Variants in PDE1C observed in about 807,000 individuals in gnomAD.
PDE1C encodes phosphodiesterase 1C.
PDE1C carries 62 observed loss-of-function variants against 93.1 expected under a neutral mutation model. The ratio of observed to expected loss-of-function variants is 0.67; its 90% CI spans 0.54 to 0.82. The LOEUF (loss-of-function observed/expected upper bound fraction) is 0.82, where lower values mean the gene tolerates loss of function less well. Among genes scored for constraint, PDE1C ranks in the 40% least tolerant of loss-of-function variants. The pLI, the probability that PDE1C is intolerant of heterozygous loss-of-function variation, is 0.00. For missense variants in PDE1C, 742 were observed against 884.6 expected (o/e 0.84, Z 2.04); for synonymous variants, 325 against 310.1 (o/e 1.05, Z -0.50).
At chr7:32,141,509 G>A (rs1800524271) in intron 3 of PDE1C, among the ~76,000 whole-genome samples, 1 of 152,174 alleles carries the variant, frequency 6.6e-6, no homozygotes, top group African/African-American at 2.4e-5. Flanking sequence ...TCACTTCTGT[G>A]ATCTTCCTCC....
At chr7:32,171,643 A>G (rs1802661666) in intron 2 of PDE1C, among the ~76,000 whole-genome samples, 1 of 151,384 alleles carries the variant, frequency 6.6e-6, no homozygotes, top group South Asian at 2.1e-4. Context: ...TACAATAACT[A>G]TTTATTTAAC....
intron 2 of PDE1C, among the ~76,000 whole-genome samples, chr7:32,198,844 G>T (rs758027879): frequency 2.6e-5 from 4 of 152,150 alleles, no homozygotes; most frequent in African/African-American, 7.2e-5. Context: ...TCAGCCGGGC[G>T]CAGTGGTTCA....
intron 13 of PDE1C, 31 bp downstream of exon 13, chr7:31,824,836 T>C: frequency 6.2e-7 from 1 of 1,609,562 alleles, no homozygotes; most frequent in Non-Finnish European, 8.5e-7. Context: ...CAGGCCAACC[T>C]CACCCTCAGC....
intron 1 of PDE1C, among the ~76,000 whole-genome samples, chr7:32,365,516 T>C (rs189207524): frequency 5.3e-5 from 8 of 152,196 alleles, no homozygotes; most frequent in African/African-American, 1.9e-4. Flanking sequence ...GCCGAGAAGA[T>C]ATGCAACCAT....
At position 31,861,266 on chromosome 7, in the gene PDE1C, T is replaced by C. The variant is rs1794665805; in HGVS notation, c.750+3676A>G. ...CTGGCCACTCTTTTTTAGTTTCTATTGTTGGCTCTAATTCTTTGCCTTCAT... is the reference window on the plus strand; with the variant it reads ...CTGGCCACTCTTTTTTAGTTTCTATCGTTGGCTCTAATTCTTTGCCTTCAT... On this transcript the variant is annotated intron_variant, in intron 7 of 17. Transcript: ENST00000396191. 2.0e-5 allele frequency among the ~76,000 whole-genome samples: 3 copies of C among 152,234 alleles called. No individual in the cohort carries two copies. The South Asian group carries it at 6.2e-4, about 31-fold the overall frequency.
the PDE1C span, among the ~76,000 whole-genome samples, chr7:31,640,392 C>T: frequency 6.6e-6 from 1 of 152,210 alleles, no homozygotes; most frequent in Non-Finnish European, 1.5e-5. Flanking sequence ...CTAGAGTTCT[C>T]TCTGTGTGCA....
chr7:31,638,805 C>G, the PDE1C span, among the ~76,000 whole-genome samples: 6 of 152,134 alleles, frequency 3.9e-5, no homozygotes, highest in Non-Finnish European at 5.9e-5. Context: ...GAGATGGAGA[C>G]TTGCTCTGTC....
intron 3 of PDE1C, among the ~76,000 whole-genome samples, chr7:32,082,299 G>A (rs867481550): frequency 1.2e-4 from 18 of 152,232 alleles, no homozygotes; most frequent in South Asian, 4.1e-4. Context: ...AGGTGGCAGC[G>A]AGGCTGGGGG....
the PDE1C span, among the ~76,000 whole-genome samples, chr7:31,693,862 AAATATCC>A: frequency 1.2e-4 from 19 of 152,362 alleles, no homozygotes; most frequent in East Asian, 3.7e-3. Context: ...GAAGGAGCTA[AAATATCC>A]AATTACTCTT....
intron 1 of PDE1C, among the ~76,000 whole-genome samples, chr7:32,292,353 G>A (rs1812388061): frequency 6.6e-6 from 1 of 152,066 alleles, no homozygotes; most frequent in African/African-American, 2.4e-5. Flanking sequence ...GATCTTTAGA[G>A]CTTGACTAAA....
At chr7:31,841,209 GTC>G (rs377551907) in intron 9 of PDE1C, among the ~76,000 whole-genome samples, 9 of 140,188 alleles carry the variant, frequency 6.4e-5, no homozygotes, top group African/African-American at 8.0e-5. Flanking sequence ...CCCTCTCTCT[GTC>G]TCTCTCTCTC....
At chr7:32,061,566 G>T (rs1794809051) in intron 1 of PDE1C, among the ~76,000 whole-genome samples, 1 of 152,244 alleles carries the variant, frequency 6.6e-6, no homozygotes, top group African/African-American at 2.4e-5. Context: ...AGTGGGCTAG[G>T]CTCCAGGCTT....
rs192860610 is a variant in PDE1C, at chr7:32,017,825, T to C, written c.128+33729A>G. On this transcript the variant is annotated intron_variant, in intron 2 of 17. Transcript: ENST00000396191. Reference sequence around the variant, plus strand: ...CAGGCATGGTAGCTCACACCTGTAATCCCAGCACTTTGGGAGGCTGAGGAT... The same window carrying C: ...CAGGCATGGTAGCTCACACCTGTAACCCCAGCACTTTGGGAGGCTGAGGAT... Among the ~76,000 whole-genome samples, 648 of 152,218 alleles carry C rather than the reference T, an allele frequency of 4.3e-3. 3 individuals carry two copies. The highest frequency in any genetic ancestry group is 0.015 in the African/African-American group (617 of 41,538).
chr7:32,159,900 G>A (rs530905050), intron 3 of PDE1C, among the ~76,000 whole-genome samples: 4 of 152,310 alleles, frequency 2.6e-5, no homozygotes, highest in Admixed American at 2.6e-4. Context: ...ACAGGCCCCA[G>A]AGGCTCCCAC....
intron 1 of PDE1C, among the ~76,000 whole-genome samples, chr7:32,417,284 T>A (rs1367904312): frequency 2.0e-5 from 3 of 151,994 alleles, no homozygotes; most frequent in Non-Finnish European, 4.4e-5. Flanking sequence ...ATGACTTTTT[T>A]TTTTTTTTTA....
the PDE1C span, chr7:31,692,671 G>C: frequency 1.5e-6 from 1 of 678,892 alleles, no homozygotes; most frequent in African/African-American, 1.8e-5. Flanking sequence ...CAGATGGGCA[G>C]GCAAATAGCC....
chr7:32,191,498 G>A (rs1166759579), intron 2 of PDE1C, among the ~76,000 whole-genome samples: 1 of 152,054 alleles, frequency 6.6e-6, no homozygotes, highest in African/African-American at 2.4e-5. Flanking sequence ...AACCTTAGGG[G>A]ACTGGTTTTT....
intron 2 of PDE1C, among the ~76,000 whole-genome samples, chr7:31,908,809 T>C (rs1337723007): frequency 6.6e-6 from 1 of 152,182 alleles, no homozygotes; most frequent in African/African-American, 2.4e-5. Context: ...AGTTATTCAA[T>C]CAAACACTAA....
chr7:32,097,432 C>G (rs1247448666), intron 3 of PDE1C, among the ~76,000 whole-genome samples: 1 of 152,180 alleles, frequency 6.6e-6, no homozygotes, highest in Admixed American at 6.5e-5. Context: ...CTCCAGGGCT[C>G]AGATGCCTAA....
Sources: gnomAD v4.1 joint callset for allele counts (sites outside exome capture counted in the v4.1 genomes callset) on GRCh38, gnomAD v4.1.1 for gene constraint, MANE v1.5 for transcripts, NCBI Gene and HGNC (gene_info 2026-07-23, HGNC 2026-07-21) for gene names.